Variants in CDH22 observed in about 807,000 individuals in gnomAD.
CDH22 encodes the protein cadherin-22.
CDH22 carries 30 observed loss-of-function variants against 58.4 expected under a neutral mutation model. That is an observed-to-expected ratio of 0.51 (90% CI 0.38 to 0.70). The LOEUF is 0.70. Among genes scored for constraint, CDH22 ranks in the 30% least tolerant of loss-of-function variants. CDH22 has a pLI of 0.00. For missense variants in CDH22, 1,014 were observed against 1,233.9 expected, an observed-to-expected ratio of 0.82 and a Z score of 2.67; for synonymous variants, 513 against 558.2, an observed-to-expected ratio of 0.92 and a Z score of 1.14.
rs372469948 is a variant in CDH22, at chr20:46,300,502, G to A, written c.-400+7753C>T. Among the ~76,000 whole-genome samples the A allele has an allele frequency of 8.9e-4, 136 of 152,238 alleles. No individual in the cohort carries two copies. Among genetic ancestry groups the A allele is most frequent in the African/African-American group, 2.9e-3 (120 of 41,544 alleles). On this transcript the variant is annotated intron_variant, in intron 1 of 11. Coordinates refer to ENST00000537909, the MANE Select transcript of CDH22 (RefSeq NM_021248.3). The surrounding 1 kb of genome is among the most constrained non-coding windows in gnomAD (Gnocchi z 4.4). ...CACACACAAGCGCGCGTGTGCGTGC[G>A]CGTGCACACACACATACACACACAC...
At chr20:46,215,669 A>G (rs12479670) in intron 5 of CDH22, among the ~76,000 whole-genome samples, 5,352 of 152,340 alleles carry the variant, frequency 0.035, 298 homozygotes, top group East Asian at 0.27. Flanking sequence ...AGAAAGACGG[A>G]AAGAAAAAGA....
intron 3 of CDH22, among the ~76,000 whole-genome samples, chr20:46,239,065 C>T (rs2086273059): frequency 6.6e-6 from 1 of 152,206 alleles, no homozygotes; most frequent in Admixed American, 6.5e-5. Flanking sequence ...CCCATGCTCT[C>T]ACTTCCTCCA....
At chr20:46,255,330 A>G (rs2086401162) in intron 1 of CDH22, among the ~76,000 whole-genome samples, 1 of 152,124 alleles carries the variant, frequency 6.6e-6, no homozygotes, top group African/African-American at 2.4e-5. Flanking sequence ...CACTTTACAG[A>G]GGGGGAAAGT....
chr20:46,230,265 GT>G (rs1222296778), intron 3 of CDH22, among the ~76,000 whole-genome samples: 1 of 152,194 alleles, frequency 6.6e-6, no homozygotes, highest in Non-Finnish European at 1.5e-5. Context: ...CACCAGCTCT[GT>G]GATATAGACG....
intron 4 of CDH22, among the ~76,000 whole-genome samples, chr20:46,223,691 TTCTTTCTTTC>T (rs1568664140): frequency 1.3e-5 from 1 of 78,652 alleles, no homozygotes; most frequent in African/African-American, 4.5e-5. Context: ...CTTTCTTTCT[TTCTTTCTTTC>T]TTTCTTTCTT....
intron 2 of CDH22, 98 bp downstream of exon 2, chr20:46,250,942 A>G: frequency 1.3e-6 from 1 of 759,544 alleles, no homozygotes; most frequent in Non-Finnish European, 2.3e-6. Flanking sequence ...CACATGAAAC[A>G]TGGATTTAAA....
Position 46,266,438 on chromosome 20 carries a change from A to G in CDH22, c.-399-14745T>C, listed in dbSNP as rs1405683535. On this transcript the variant is annotated intron_variant, in intron 1 of 11. Coordinates refer to ENST00000537909, the MANE Select transcript of CDH22 (RefSeq NM_021248.3). ...TTGTGTCTCACCAAGGCAGAGAAGG[A>G]CCTGCAGGCTGGTGTGTGTCTGGGG... Among the ~76,000 whole-genome samples the G allele has an allele frequency of 2.0e-5, 3 of 152,110 alleles. No homozygotes were observed. The East Asian group carries it at 5.8e-4, about 29-fold the overall frequency.
chr20:46,288,173 T>TC (rs1318953125), intron 1 of CDH22, among the ~76,000 whole-genome samples: 10 of 152,070 alleles, frequency 6.6e-5, no homozygotes, highest in Non-Finnish European at 1.5e-4. Context: ...AGAATGTCCT[T>TC]CCCCAATCTT....
intron 1 of CDH22, among the ~76,000 whole-genome samples, chr20:46,306,461 T>C (rs930228390): frequency 2.1e-4 from 32 of 152,364 alleles, no homozygotes; most frequent in African/African-American, 6.5e-4. Flanking sequence ...CAGGTGCCCC[T>C]TAGCTGAGAG....
In CDH22 at chr20:46,199,955, T is replaced by TC. The variant is rs1196345392; in HGVS notation, c.1287-397_1287-396insG. 1.1e-4 allele frequency among the ~76,000 whole-genome samples: 16 copies of TC among 152,190 alleles called. No individual in the cohort carries two copies. The South Asian group carries it at 1.5e-3, about 14-fold the overall frequency. ...TTTCCTTCCTTCCTTCTTTTTCTTT[T>TC]TTGTTTATTTATTTTATTTTATTTA... On this transcript the variant is annotated intron_variant, in intron 7 of 11. Coordinates refer to ENST00000537909, the MANE Select transcript of CDH22 (RefSeq NM_021248.3).
chr20:46,193,660 C>G (rs1278516779), intron 8 of CDH22, among the ~76,000 whole-genome samples: 5 of 152,182 alleles, frequency 3.3e-5, no homozygotes, highest in Non-Finnish European at 7.4e-5. Context: ...CTTGCCTCAC[C>G]TGCTCTGGAC....
chr20:46,177,975 G>A lies in CDH22; in HGVS notation c.1886C>T (p.Ala629Val), dbSNP rs774791674. 2 of 1,614,000 alleles carry A rather than the reference G, an allele frequency of 1.2e-6. No individual in the cohort carries two copies. The highest frequency in any genetic ancestry group is 1.1e-5 in the South Asian group (1 of 91,080). ...AASLSPGALI[A>V]LLVCVLILVV... ...CAGGATGAGAACGCAGACCAAGAGG[G>A]CGATGAGGGCGCCGGGGCTGAGGGA... Residue 629 changes from alanine (A) to valine (V), a missense_variant, in exon 11 of 12, where the codon GCC becomes GTC. By Grantham distance (64) the Ala-to-Val change is moderately conservative. Transcript: ENST00000537909.
chr20:46,231,916 A>G (rs1178170850), intron 3 of CDH22, among the ~76,000 whole-genome samples: 2 of 152,082 alleles, frequency 1.3e-5, no homozygotes, highest in Non-Finnish European at 2.9e-5. Context: ...CTGAGCTGCT[A>G]TGAGGATTAG....
At chr20:46,181,042 G>A (rs1406734812) in intron 10 of CDH22, among the ~76,000 whole-genome samples, 3 of 151,358 alleles carry the variant, frequency 2.0e-5, no homozygotes, top group East Asian at 3.9e-4. Context: ...TCCCAAAGTG[G>A]TGGCATTACA....
chr20:46,179,276 CCTT>C (rs1178373207), intron 10 of CDH22, among the ~76,000 whole-genome samples: 1 of 152,200 alleles, frequency 6.6e-6, no homozygotes. Flanking sequence ...CTTCAGTCCT[CCTT>C]CTCCCCGCGG....
At chr20:46,299,040 A>G (rs2086640151) in intron 1 of CDH22, among the ~76,000 whole-genome samples, 1 of 152,184 alleles carries the variant, frequency 6.6e-6, no homozygotes, top group Admixed American at 6.5e-5. Context: ...GTCAACAGCA[A>G]GATCTTTCTA....
At chr20:46,299,312 A>G (rs2086641163) in intron 1 of CDH22, among the ~76,000 whole-genome samples, 1 of 152,202 alleles carries the variant, frequency 6.6e-6, no homozygotes, top group Non-Finnish European at 1.5e-5. Context: ...TTCAACACAC[A>G]GCTCAAATAC....
chr20:46,308,463 G>T lies in CDH22; in HGVS notation c.-608C>A. ...CGAGAGAGCGAGAGAGCGAGGGAGT[G>T]AGCGAGCGAGCGGGAGCGAGGGAGT... On this transcript the variant is annotated 5_prime_UTR_variant, in exon 1 of 12. Coordinates refer to ENST00000537909, the MANE Select transcript of CDH22 (RefSeq NM_021248.3). This position sits in a 1 kb window ranked among gnomAD's most constrained non-coding sequence, Gnocchi z 4.3. 4.6e-6 allele frequency: 1 copy of T among 215,730 alleles called. No homozygotes were observed. Among genetic ancestry groups the T allele is most frequent in the South Asian group, 1.8e-4 (1 of 5,598 alleles). 13.4% of individuals were successfully genotyped at this position (215,730 alleles called of 1,614,324 possible).
intron 7 of CDH22, among the ~76,000 whole-genome samples, chr20:46,200,275 CTCTTT>C (rs1298033433): frequency 6.6e-6 from 1 of 151,622 alleles, no homozygotes; most frequent in East Asian, 2.0e-4. Context: ...GCGCCCGGCC[CTCTTT>C]TCTTTCTTTC....
Sources: allele counts gnomAD v4.1 joint callset (sites outside exome capture counted in the v4.1 genomes callset), GRCh38; gene constraint gnomAD v4.1.1; non-coding constraint Gnocchi (gnomAD v3.1); transcripts MANE v1.5; gene names NCBI Gene and HGNC (gene_info 2026-07-23, HGNC 2026-07-21).